Variants in ANK2 observed in about 807,000 individuals in gnomAD.
The protein encoded by ANK2 is ankyrin-2.
Under a neutral mutation model 360.5 loss-of-function variants are expected in ANK2, and 83 were observed. The observed-to-expected ratio is 0.23, with a 90% CI of 0.19 to 0.28. The LOEUF is 0.28. Ranked by LOEUF, ANK2 falls within the 10% of genes least tolerant of loss-of-function variation. ANK2 has a pLI of 1.00. For synonymous variants in ANK2, 1,740 were observed against 1,759.5 expected (o/e 0.99, Z 0.28); for missense variants, 4,201 against 4,795.7 (o/e 0.88, Z 3.66).
At chr4:113,211,104 T>A (rs1173813869) in intron 4 of ANK2, among the ~76,000 whole-genome samples, 1 of 152,136 alleles carries the variant, frequency 6.6e-6, no homozygotes, top group Non-Finnish European at 1.5e-5. Context: ...AGAAGAGAGA[T>A]GAAGAATAAA....
At chr4:113,077,061 T>G (rs566534563) in intron 1 of ANK2, among the ~76,000 whole-genome samples, 24 of 152,100 alleles carry the variant, frequency 1.6e-4, no homozygotes, top group South Asian at 8.3e-4. Context: ...GAATAACAAC[T>G]TATGTAAATA....
intron 10 of ANK2, among the ~76,000 whole-genome samples, chr4:113,252,445 C>T (rs2046981417): frequency 6.6e-6 from 1 of 152,120 alleles, no homozygotes; most frequent in South Asian, 2.1e-4. Flanking sequence ...CATTCTTTGT[C>T]AATTCTAGCT....
intron 4 of ANK2, among the ~76,000 whole-genome samples, chr4:113,230,465 A>G (rs1317568844): frequency 6.6e-6 from 1 of 152,050 alleles, no homozygotes; most frequent in Non-Finnish European, 1.5e-5. Flanking sequence ...CAGTGAGCCA[A>G]GATTGCACCA....
the ANK2 span, among the ~76,000 whole-genome samples, chr4:112,761,551 C>T: frequency 2.0e-5 from 3 of 152,074 alleles, no homozygotes; most frequent in East Asian, 1.9e-4. Context: ...ACCAGGGAGG[C>T]GGAGGTTGCA....
the ANK2 span, among the ~76,000 whole-genome samples, chr4:112,731,753 A>G: frequency 1.3e-5 from 2 of 151,986 alleles, no homozygotes; most frequent in Admixed American, 6.6e-5. Flanking sequence ...AAAAGTACAT[A>G]TAGTAACTAA....
intron 1 of ANK2, among the ~76,000 whole-genome samples, chr4:113,147,304 C>T (rs576998851): frequency 6.6e-6 from 1 of 152,304 alleles, no homozygotes; most frequent in South Asian, 2.1e-4. Context: ...CCCACATCCA[C>T]CCAGGAGAGC....
intron 22 of ANK2, among the ~76,000 whole-genome samples, chr4:113,299,618 T>C (rs1006188680): frequency 2.7e-5 from 4 of 149,552 alleles, no homozygotes; most frequent in Admixed American, 1.4e-4. Context: ...GGCAGGAGAA[T>C]GGCTTGAACC....
chr4:112,792,004 A>AT, the ANK2 span, among the ~76,000 whole-genome samples: 2,313 of 132,520 alleles, frequency 0.017, 59 homozygotes, highest in African/African-American at 0.061. Context: ...CATAAACCAC[A>AT]TTTTATTTTG....
chr4:113,219,504 AC>A (rs150605549), intron 4 of ANK2, among the ~76,000 whole-genome samples: 4,225 of 152,188 alleles, frequency 0.028, 97 homozygotes, highest in East Asian at 0.067. Context: ...ATTATACATT[AC>A]AAAAAACAAT....
At chr4:112,908,585 TA>T (rs1242748227) in intron 2 of ANK2, among the ~76,000 whole-genome samples, 2 of 152,198 alleles carry the variant, frequency 1.3e-5, no homozygotes, top group African/African-American at 4.8e-5. Flanking sequence ...TTTATATCCT[TA>T]GAACCTGCTT....
At chr4:112,900,333 T>C (rs889173153) in intron 1 of ANK2, among the ~76,000 whole-genome samples, 7 of 152,204 alleles carry the variant, frequency 4.6e-5, no homozygotes, top group African/African-American at 1.7e-4. Context: ...TCTCCCTGAT[T>C]GTCTCCTATC....
chr4:112,787,700 G>C, the ANK2 span, among the ~76,000 whole-genome samples: 4 of 152,334 alleles, frequency 2.6e-5, no homozygotes, highest in South Asian at 8.3e-4. Flanking sequence ...TCTGCGTAAA[G>C]AATGAGTAGC....
intron 2 of ANK2, among the ~76,000 whole-genome samples, chr4:113,007,689 A>G (rs2053375610): frequency 6.6e-6 from 1 of 152,196 alleles, no homozygotes; most frequent in Non-Finnish European, 1.5e-5. Flanking sequence ...ACCTTAAACT[A>G]CAATTAAGAC....
rs60510554 is a variant in ANK2 at position 112,850,504 on chromosome 4, C to CTTTTTTTTTTTTTT, written c.-40+32257_-40+32270dup. ...TTTTTTTAACATTTCCTGTGCTAGT[C>CTTTTTTTTTTTTTT]TTTTTTTTTTTTTTTTTTTTTTTTT... On this transcript the variant is annotated intron_variant, in intron 1 of 30. Transcript: ENST00000503271. 1.5e-3 allele frequency among the ~76,000 whole-genome samples: 9 copies of CTTTTTTTTTTTTTT among 5,820 alleles called. 4 individuals carry two copies. The highest frequency in any genetic ancestry group is 0.011 in the Admixed American group (4 of 350). The allele number at this position is 5,820 out of a possible 152,430, so 3.8% of individuals were successfully genotyped here.
At chr4:113,360,466 A>C (rs1227375315) in intron 38 of ANK2, among the ~76,000 whole-genome samples, 1 of 151,972 alleles carries the variant, frequency 6.6e-6, no homozygotes, top group East Asian at 1.9e-4. Context: ...CTACTTCTGC[A>C]TCCCATTTAT....
At chr4:113,318,825 A>T (rs1026887521) in intron 26 of ANK2, among the ~76,000 whole-genome samples, 3 of 152,208 alleles carry the variant, frequency 2.0e-5, no homozygotes, top group Non-Finnish European at 2.9e-5. Flanking sequence ...TTCAGCATTA[A>T]AAAAACTGAC....
chr4:113,273,101 G>A (rs1303398702), intron 14 of ANK2, among the ~76,000 whole-genome samples: 1 of 152,124 alleles, frequency 6.6e-6, no homozygotes, highest in African/African-American at 2.4e-5. Context: ...CGACAGGTCT[G>A]TTAGTGGCCA....
At chr4:113,179,475 A>AAT (rs1377761515) in intron 2 of ANK2, among the ~76,000 whole-genome samples, 1 of 152,228 alleles carries the variant, frequency 6.6e-6, no homozygotes, top group Non-Finnish European at 1.5e-5. Flanking sequence ...TTTTGCTTTT[A>AAT]ATTATTTAAA....
chr4:113,057,709 C>T (rs557052028), intron 1 of ANK2, among the ~76,000 whole-genome samples: 6 of 151,938 alleles, frequency 3.9e-5, no homozygotes, highest in Non-Finnish European at 8.8e-5. Flanking sequence ...AGTAAGCCTC[C>T]AAATTAACAA....
Sources: allele counts gnomAD v4.1 joint callset (sites outside exome capture counted in the v4.1 genomes callset), GRCh38; gene constraint gnomAD v4.1.1; transcripts MANE v1.5; gene names NCBI Gene and HGNC (gene_info 2026-07-23, HGNC 2026-07-21).